Variants in SYDE2 observed in about 807,000 individuals in gnomAD.
The protein encoded by SYDE2 is rho GTPase-activating protein SYDE2.
A neutral mutation model predicts 91.5 loss-of-function variants in SYDE2; 76 were observed. The observed-to-expected ratio is 0.83, with a 90% CI of 0.69 to 1.01. SYDE2 has a LOEUF of 1.01. Ranked by LOEUF, SYDE2 falls within the 50% of genes least tolerant of loss-of-function variation. The probability of loss-of-function intolerance (pLI) is 0.00; values close to 1 mark genes in which losing one functional copy is unlikely to be tolerated. For synonymous variants in SYDE2, 513 were observed against 506.4 expected (o/e 1.01, Z -0.18); for missense variants, 1,364 against 1,367.7 (o/e 1.00, Z 0.04).
intron 1 of SYDE2, among the ~76,000 whole-genome samples, chr1:85,195,032 C>T (rs186730873): frequency 1.2e-3 from 185 of 152,056 alleles, no homozygotes; most frequent in African/African-American, 4.1e-3. Context: ...TGGTGGCGGG[C>T]GCCTGTAGTC....
At chr1:85,161,007 C>CT in intron 6 of SYDE2, 1 of 980,162 alleles carries the variant, frequency 1.0e-6, no homozygotes. Context: ...ACATCACTGA[C>CT]TTTTTAGACT....
chr1:85,191,467 T>G (rs1658360829), intron 1 of SYDE2, among the ~76,000 whole-genome samples: 1 of 152,022 alleles, frequency 6.6e-6, no homozygotes, highest in Non-Finnish European at 1.5e-5. Flanking sequence ...CCTTAAGAAA[T>G]TCATAGTCCA....
intron 3 of SYDE2, among the ~76,000 whole-genome samples, chr1:85,179,899 A>C (rs1657846335): frequency 6.6e-6 from 1 of 152,100 alleles, no homozygotes; most frequent in African/African-American, 2.4e-5. Context: ...AATTAATGGG[A>C]TATTTTACCC....
chr1:85,162,924 C>G (rs1358740492), intron 6 of SYDE2, among the ~76,000 whole-genome samples: 2 of 152,092 alleles, frequency 1.3e-5, no homozygotes, highest in Non-Finnish European at 2.9e-5. Context: ...AGTTGACACT[C>G]TGAAAGATCC....
Position 85,182,502 on chromosome 1 carries a change from CT to C in SYDE2, c.2139del (p.Ala714GlnfsTer13). 4.3e-6 allele frequency: 7 copies of C among 1,613,798 alleles called. No homozygotes were observed. The highest frequency in any genetic ancestry group is 5.9e-6 in the Non-Finnish European group (7 of 1,179,818). On this transcript the variant is annotated frameshift_variant, in exon 3 of 7. Transcript: ENST00000341460. LOFTEE classifies it high-confidence loss of function. ...FCAIQVDSVN[K>X]ARTALLTCRT... is the part of the protein sequence containing the mutation. ...CGGCATGTGAGCAAAGCTGTTCTTGCTTTGTTTACTGAATCTACCTGAATTG... is the reference window on the plus strand; with the variant it reads ...CGGCATGTGAGCAAAGCTGTTCTTGCTTGTTTACTGAATCTACCTGAATTG...
intron 2 of SYDE2, among the ~76,000 whole-genome samples, chr1:85,184,197 G>T (rs188283834): frequency 1.5e-4 from 23 of 152,264 alleles, no homozygotes; most frequent in Admixed American, 7.2e-4. Flanking sequence ...TCAGCACCTA[G>T]AACAGTAACT....
chr1:85,162,555 T>C (rs1657101539), intron 6 of SYDE2, among the ~76,000 whole-genome samples: 1 of 152,248 alleles, frequency 6.6e-6, no homozygotes, highest in South Asian at 2.1e-4. Context: ...GGAGCAGTTA[T>C]TTTTAAAACC....
In SYDE2 at chr1:85,178,221, G is replaced by A. The variant is rs191964476; in HGVS notation, c.2596C>T (p.Arg866Ter). The part of the protein sequence containing the change: ...CGSAAVKKEL[R>*]EAFERDSKAV... ...TTGCTATCTCTCTCAAAAGCCTCTC[G>A]CAGTTCTTTCTTGACTGCTGCCGAA... is the stretch of plus-strand genomic sequence containing the variant. Residue 866 changes from arginine (R) to a stop codon, truncating the protein, a stop_gained, in exon 4 of 7, where the codon CGA becomes TGA. Transcript: ENST00000341460. LOFTEE classifies it high-confidence loss of function. The A allele has an allele frequency of 1.1e-5, 18 of 1,584,338 alleles. No homozygotes were observed. The Admixed American group carries it at 2.1e-4, about 19-fold the overall frequency.
chr1:85,177,400 T>C (rs1481129053), intron 4 of SYDE2, among the ~76,000 whole-genome samples: 2 of 152,164 alleles, frequency 1.3e-5, no homozygotes, highest in Non-Finnish European at 2.9e-5. Flanking sequence ...GATCTCCTAC[T>C]AGCACTTCAA....
At position 85,158,944 on chromosome 1, in the gene SYDE2, C is replaced by T. The variant is rs1656963563; in HGVS notation, c.3391G>A (p.Gly1131Arg). ...GGCTGTTCAATCATTACTTCTGGCC[C>T]ATCCATTTTGCTATAATTTTCTCCG... Reference protein sequence around the residue: ...KIGENYSKMDGPEVMIEQPIP... With the variant: ...KIGENYSKMDRPEVMIEQPIP... Residue 1131 changes from glycine to arginine, a missense_variant, in exon 7 of 7, where the codon GGG becomes AGG. Gly to Arg is a moderately radical substitution (Grantham distance 125, BLOSUM62 -2). Transcript: ENST00000341460. The T allele has an allele frequency of 3.8e-6, 3 of 780,612 alleles. No individual in the cohort carries two copies. The highest frequency in any genetic ancestry group is 4.8e-6 in the Non-Finnish European group (2 of 417,924). 48.4% of individuals were successfully genotyped at this position (780,612 alleles called of 1,614,324 possible).
In SYDE2 at chr1:85,157,967, TA is replaced by T. The variant is rs2100639404; in HGVS notation, c.*782del. The T allele has an allele frequency of 6.6e-6, 1 of 152,298 alleles. No homozygotes were observed. The highest frequency in any genetic ancestry group is 2.4e-5 in the African/African-American group (1 of 41,558). 9.4% of individuals were successfully genotyped at this position (152,298 alleles called of 1,614,324 possible). ...ACTTGTATAATTTCACTTTTATTTA[TA>T]AAAAGATTTTCTTATAGCAGCATTT... On this transcript the variant is annotated 3_prime_UTR_variant, in exon 7 of 7. Transcript: ENST00000341460.
chr1:85,182,105 C>A lies in SYDE2; in HGVS notation c.2537G>T (p.Gly846Val), dbSNP rs753259093. 1.9e-6 allele frequency: 3 copies of A among 1,582,386 alleles called. No homozygotes were observed. The highest frequency in any genetic ancestry group is 2.6e-6 in the Non-Finnish European group (3 of 1,168,390). Residue 846 changes from glycine (G) to valine (V), a missense_variant, in exon 3 of 7, where the codon GGC becomes GTC. Gly to Val is a moderately radical substitution (Grantham distance 109). Transcript: ENST00000341460. ...QKCIMEIEKR[G>V]CQVVGLYRLC... ...ACCATAGTAAGATAATACCTGACAG[C>A]CTCTCTTTTCAATTTCCATAATACA... is the stretch of plus-strand genomic sequence containing the variant.
chr1:85,152,727 C>T (rs1372060672), downstream of SYDE2: 6 of 152,088 alleles, frequency 3.9e-5, no homozygotes, highest in African/African-American at 1.4e-4. Flanking sequence ...TTACATTCTA[C>T]AGGAGTGGAC....
intron 6 of SYDE2, chr1:85,160,418 A>T (rs1170016517): frequency 1.1e-6 from 1 of 890,546 alleles, no homozygotes; most frequent in Admixed American, 6.2e-5. Flanking sequence ...TAACATTTCT[A>T]TTGCATTTTA....
rs1657976387 is a variant in SYDE2 at position 85,182,625 on chromosome 1, T to C, written c.2017A>G (p.Lys673Glu). 3 of 1,613,788 alleles carry C rather than the reference T, an allele frequency of 1.9e-6. No homozygotes were observed. The highest frequency in any genetic ancestry group is 1.3e-5 in the African/African-American group (1 of 74,938). ...FRHYSFSDQP[K>E]CSQYISGLMS... Reference sequence around the variant, plus strand: ...AGCCCAGATATGTACTGTGAACACTTAGGTTGATCAGAAAAGCTATAATGC... The same window carrying C: ...AGCCCAGATATGTACTGTGAACACTCAGGTTGATCAGAAAAGCTATAATGC... Residue 673 changes from lysine (K) to glutamate (E), a missense_variant, in exon 3 of 7, where the codon AAG becomes GAG. Coordinates refer to ENST00000341460, the MANE Select transcript of SYDE2 (RefSeq NM_032184.2).
In SYDE2 at chr1:85,180,783, T is replaced by C. The variant is rs998424525; in HGVS notation, c.2544+1315A>G. Among the ~76,000 whole-genome samples, 10 of 152,258 alleles carry C rather than the reference T, an allele frequency of 6.6e-5. 1 individual carries two copies. Among genetic ancestry groups the C allele is most frequent in the Admixed American group, 2.0e-4 (3 of 15,290 alleles). ...AAAGTGGTAACAGTCTATATATACC[T>C]GCTCTTTCTAAATATTTCAGAAAAT... On this transcript the variant is annotated intron_variant, in intron 3 of 6. Transcript: ENST00000341460.
intron 2 of SYDE2, among the ~76,000 whole-genome samples, chr1:85,186,007 G>C (rs550787359): frequency 1.2e-3 from 189 of 151,986 alleles, no homozygotes; most frequent in Non-Finnish European, 1.4e-3. Context: ...TAGCATGAAG[G>C]GTTGTTGAAT....
At chr1:85,180,356 G>A (rs577732701) in intron 3 of SYDE2, among the ~76,000 whole-genome samples, 1 of 152,066 alleles carries the variant, frequency 6.6e-6, no homozygotes, top group South Asian at 2.1e-4. Flanking sequence ...GGCAAGTGAG[G>A]GAGAAAGAAG....
Position 85,190,066 on chromosome 1 carries a change from G to C in SYDE2, c.1432C>G (p.Pro478Ala). 1 of 1,592,434 alleles carries C rather than the reference G, an allele frequency of 6.3e-7. No individual in the cohort carries two copies. The highest frequency in any genetic ancestry group is 8.6e-7 in the Non-Finnish European group (1 of 1,166,982). Reference sequence around the variant, plus strand: ...ATATGATCATTTTTACCTGCAAAAGGAGATTTCAACATGGGACTGTCCTCC... The same window carrying C: ...ATATGATCATTTTTACCTGCAAAAGCAGATTTCAACATGGGACTGTCCTCC... ...MVEDSPMLKSPFAGSGILAAT... is the reference protein window; with the variant it reads ...MVEDSPMLKSAFAGSGILAAT... The change falls in exon 2 of 7, where the codon CCT becomes GCT. Residue 478 changes from proline to alanine, a missense_variant. By Grantham distance (27) the Pro-to-Ala change is conservative. Transcript: ENST00000341460.
Sources: allele counts gnomAD v4.1 joint callset (sites outside exome capture counted in the v4.1 genomes callset), GRCh38; gene constraint gnomAD v4.1.1; transcripts MANE v1.5; gene names NCBI Gene and HGNC (gene_info 2026-07-23, HGNC 2026-07-21).